SASH1: variants seen among roughly 807,000 people sequenced by gnomAD.
SASH1 encodes SAM and SH3 domain-containing protein 1.
A neutral mutation model predicts 125.2 loss-of-function variants in SASH1; 44 were observed. That is an observed-to-expected ratio of 0.35 (90% CI 0.28 to 0.45). The LOEUF is 0.45. Ranked by LOEUF, SASH1 falls within the 20% of genes least tolerant of loss-of-function variation. The probability of loss-of-function intolerance (pLI) is 1.00; values close to 1 mark genes in which losing one functional copy is unlikely to be tolerated. For missense variants in SASH1, 1,426 were observed against 1,614.5 expected (o/e 0.88, Z 2.00); for synonymous variants, 639 against 649.1 (o/e 0.98, Z 0.24).
the SASH1 span, among the ~76,000 whole-genome samples, chr6:148,218,402 T>C: frequency 2.0e-5 from 3 of 152,142 alleles, no homozygotes; most frequent in South Asian, 4.1e-4. Flanking sequence ...AAAAGTTATT[T>C]TACGCTTCAG....
At chr6:148,374,784 G>A (rs1250820148) in intron 1 of SASH1, among the ~76,000 whole-genome samples, 2 of 151,866 alleles carry the variant, frequency 1.3e-5, no homozygotes, top group African/African-American at 2.4e-5. Context: ...TGCAACCTCC[G>A]TCTTCTGGGT....
In SASH1 at chr6:148,548,364, G is replaced by A. The variant is rs1782684433; in HGVS notation, c.3550G>A (p.Asp1184Asn). The A allele has an allele frequency of 6.2e-7, 1 of 1,614,248 alleles. No individual in the cohort carries two copies. Among genetic ancestry groups the A allele is most frequent in the Non-Finnish European group, 8.5e-7 (1 of 1,180,044 alleles). The change falls in exon 20 of 20, where the codon GAT becomes AAT. Residue 1184 changes from aspartate (D) to asparagine (N), a missense_variant. Coordinates refer to ENST00000367467, the MANE Select transcript of SASH1 (RefSeq NM_015278.5). ...VSPGCISSVS[D>N]WLISIGLPMY... The stretch of plus-strand genomic sequence containing the variant: ...TCCTGGGTGCATTTCGTCTGTGTCA[G>A]ATTGGCTCATTTCCATCGGTCTGCC...
At position 148,390,787 on chromosome 6, in the gene SASH1, CA is replaced by C. The variant is rs778836199; in HGVS notation, c.285+538del. On this transcript the variant is annotated intron_variant, in intron 2 of 19. Transcript: ENST00000367467. ...TGGGCGACAGAGCAAGACTCCGTCT[CA>C]AAAAAAAAAAAATAGATTTTTATTT... Among the ~76,000 whole-genome samples the C allele has an allele frequency of 6.5e-3, 834 of 127,456 alleles. 2 individuals carry two copies. Among genetic ancestry groups the C allele is most frequent in the African/African-American group, 9.7e-3 (332 of 34,320 alleles). 83.6% of individuals were successfully genotyped at this position (127,456 alleles called of 152,430 possible). A position where few individuals can be genotyped will look rare whatever the true frequency, so the allele number is the denominator to read the frequency against.
At chr6:148,236,296 C>A in the SASH1 span, among the ~76,000 whole-genome samples, 1 of 151,934 alleles carries the variant, frequency 6.6e-6, no homozygotes, top group East Asian at 1.9e-4. Context: ...CTCACTGCAA[C>A]CTCTGCCTCT....
Position 148,527,471 on chromosome 6 carries a change from G to C in SASH1, c.1303G>C (p.Val435Leu), listed in dbSNP as rs1382610852. The part of the protein sequence containing the change: ...SDPMGKEGDF[V>L]YKEVIKSPTA... The stretch of plus-strand genomic sequence containing the variant: ...TTTACAGGGTAAAGAAGGAGACTTT[G>C]TGTACAAAGAAGTCATCAAATCACC... The change falls in exon 12 of 20, where the codon GTG (valine) becomes CTG (leucine). Residue 435 changes from valine (V) to leucine (L), a missense_variant. Coordinates refer to ENST00000367467, the MANE Select transcript of SASH1 (RefSeq NM_015278.5). The C allele has an allele frequency of 8.7e-6, 14 of 1,601,016 alleles. No homozygotes were observed. Among genetic ancestry groups the C allele is most frequent in the Non-Finnish European group, 1.2e-5 (14 of 1,176,426 alleles).
At chr6:148,441,030 A>G (rs1776523571) in intron 4 of SASH1, among the ~76,000 whole-genome samples, 2 of 152,274 alleles carry the variant, frequency 1.3e-5, no homozygotes. Context: ...GACAAAAACA[A>G]GAGAATCTTT....
intron 1 of SASH1, among the ~76,000 whole-genome samples, chr6:148,349,285 T>C (rs1388454093): frequency 8.5e-6 from 1 of 116,980 alleles, no homozygotes; most frequent in African/African-American, 3.3e-5. Flanking sequence ...TTTTTTTGAG[T>C]GAGTCAAACT....
chr6:148,543,581 TG>T, intron 17 of SASH1, 98 bp from the exon 18 acceptor site: 1 of 959,308 alleles, frequency 1.0e-6, no homozygotes. Context: ...CAATAGGATG[TG>T]GGTGTTGGAG....
chr6:148,508,554 A>G, intron 8 of SASH1: 1 of 1,052,654 alleles, frequency 9.5e-7, no homozygotes, highest in Non-Finnish European at 1.1e-6. Context: ...CTTGTGGTGA[A>G]TAGGAGATTT....
chr6:148,307,990 G>C (rs1780188361), intron 1 of SASH1, among the ~76,000 whole-genome samples: 1 of 152,192 alleles, frequency 6.6e-6, no homozygotes, highest in Non-Finnish European at 1.5e-5. Context: ...AAACACGGAA[G>C]AGAGACAGCC....
Position 148,529,932 on chromosome 6 carries a change from G to A in SASH1, c.1429-1594G>A, listed in dbSNP as rs551788358. On this transcript the variant is annotated intron_variant, in intron 12 of 19. Transcript: ENST00000367467. The surrounding 1 kb of genome is among the most constrained non-coding windows in gnomAD (Gnocchi z 4.2). ...AGCGATTCTCCCACCTCAGCCTCTT[G>A]AGTAGCTGGGACTACAGGCACGTGC... Among the ~76,000 whole-genome samples, 62 of 151,818 alleles carry A rather than the reference G, an allele frequency of 4.1e-4. No homozygotes were observed. The highest frequency in any genetic ancestry group is 7.2e-4 in the Non-Finnish European group (49 of 67,972).
chr6:148,260,796 C>CTTTTTTTTTTT, the SASH1 span, among the ~76,000 whole-genome samples: 3 of 104,044 alleles, frequency 2.9e-5, no homozygotes, highest in African/African-American at 8.5e-5. Flanking sequence ...CCTATAAGGG[C>CTTTTTTTTTTT]TTTTTTTTTT....
intron 7 of SASH1, among the ~76,000 whole-genome samples, chr6:148,478,152 C>G (rs751834758): frequency 6.6e-6 from 1 of 152,060 alleles, no homozygotes; most frequent in Non-Finnish European, 1.5e-5. Context: ...AATAGAACTA[C>G]CATATGATGC....
intron 2 of SASH1, among the ~76,000 whole-genome samples, chr6:148,391,624 T>G (rs1412360197): frequency 6.6e-6 from 1 of 152,194 alleles, no homozygotes; most frequent in Non-Finnish European, 1.5e-5. Context: ...AACCTTTATG[T>G]GTATAATCAG....
intron 2 of SASH1, among the ~76,000 whole-genome samples, chr6:148,424,243 T>C (rs907739565): frequency 1.3e-5 from 2 of 150,272 alleles, no homozygotes; most frequent in Non-Finnish European, 3.0e-5. Context: ...TTTTTTTTTT[T>C]TGGGGGGGGG....
At chr6:148,528,973 T>G (rs1440165188) in intron 12 of SASH1, among the ~76,000 whole-genome samples, 6 of 151,908 alleles carry the variant, frequency 3.9e-5, no homozygotes, top group Non-Finnish European at 8.8e-5. Flanking sequence ...AGGCATTAGA[T>G]TCTCATAAAC....
the SASH1 span, among the ~76,000 whole-genome samples, chr6:148,249,119 A>C: frequency 6.6e-6 from 1 of 152,250 alleles, no homozygotes; most frequent in Non-Finnish European, 1.5e-5. Flanking sequence ...CACGCCAGCA[A>C]AATGGCTTTC....
At chr6:148,389,358 A>G (rs1020837758) in intron 1 of SASH1, among the ~76,000 whole-genome samples, 5 of 152,228 alleles carry the variant, frequency 3.3e-5, no homozygotes, top group African/African-American at 1.2e-4. Flanking sequence ...CTCTAGAGCA[A>G]TTACGTGGCA....
intron 4 of SASH1, among the ~76,000 whole-genome samples, chr6:148,455,230 T>C (rs1047158611): frequency 3.4e-4 from 51 of 152,180 alleles, no homozygotes; most frequent in African/African-American, 1.2e-3. Context: ...AATATCCAGA[T>C]GTGGAACCCT....
Sources: allele counts gnomAD v4.1 joint callset (sites outside exome capture counted in the v4.1 genomes callset), GRCh38; gene constraint gnomAD v4.1.1; non-coding constraint Gnocchi (gnomAD v3.1); transcripts MANE v1.5; gene names NCBI Gene and HGNC (gene_info 2026-07-23, HGNC 2026-07-21).